Variants in SH3RF1 observed in about 807,000 individuals in gnomAD.
The protein encoded by SH3RF1 is SH3 domain containing ring finger 1.
In SH3RF1, 32 loss-of-function variants were observed where a neutral mutation model predicts 74.0. The observed-to-expected ratio is 0.43, with a 90% CI of 0.33 to 0.58. The LOEUF is 0.58. SH3RF1 is among the 20% of genes least tolerant of loss of function. The pLI is 0.05. For synonymous variants in SH3RF1, 396 were observed against 439.6 expected (o/e 0.90, Z 1.24); for missense variants, 954 against 1,130.9 (o/e 0.84, Z 2.24).
chr4:169,182,412 C>T (rs1372534566), intron 2 of SH3RF1, among the ~76,000 whole-genome samples: 1 of 152,070 alleles, frequency 6.6e-6, no homozygotes, highest in African/African-American at 2.4e-5. Flanking sequence ...TTAAGAATGC[C>T]AATATATTTT....
At chr4:169,270,292 C>T (rs900535643) in intron 1 of SH3RF1, among the ~76,000 whole-genome samples, 10 of 152,102 alleles carry the variant, frequency 6.6e-5, no homozygotes, top group Non-Finnish European at 1.5e-4. Flanking sequence ...GCGCGGCGGC[C>T]GCTCGCCGCA....
intron 2 of SH3RF1, among the ~76,000 whole-genome samples, chr4:169,179,618 C>T (rs1003294003): frequency 6.6e-6 from 1 of 152,174 alleles, no homozygotes; most frequent in Non-Finnish European, 1.5e-5. Flanking sequence ...AGGTTATATA[C>T]GGATAACTTC....
At chr4:169,144,220 T>C (rs1733834085) in intron 4 of SH3RF1, among the ~76,000 whole-genome samples, 1 of 152,250 alleles carries the variant, frequency 6.6e-6, no homozygotes, top group Non-Finnish European at 1.5e-5. Context: ...CAGCTTGCCA[T>C]TAACTTGCTT....
chr4:169,224,467 G>A (rs570569651), intron 2 of SH3RF1, among the ~76,000 whole-genome samples: 13 of 152,170 alleles, frequency 8.5e-5, no homozygotes, highest in East Asian at 3.9e-4. Context: ...ACAGGCTCGC[G>A]CCACCATGCC....
chr4:169,180,859 C>G (rs1367364107), intron 2 of SH3RF1, among the ~76,000 whole-genome samples: 1 of 152,100 alleles, frequency 6.6e-6, no homozygotes, highest in Non-Finnish European at 1.5e-5. Flanking sequence ...CTAACATAAA[C>G]AAATAAGAAA....
intron 2 of SH3RF1, among the ~76,000 whole-genome samples, chr4:169,164,668 C>T (rs1020665475): frequency 6.6e-6 from 1 of 152,228 alleles, no homozygotes; most frequent in Non-Finnish European, 1.5e-5. Context: ...GTATCAACTT[C>T]ACTGTGTTCT....
chr4:169,208,513 A>T (rs983183323), intron 2 of SH3RF1, among the ~76,000 whole-genome samples: 3 of 152,218 alleles, frequency 2.0e-5, no homozygotes, highest in Non-Finnish European at 2.9e-5. Context: ...TATGTGTATG[A>T]TATAATAATA....
rs1280476529 is a variant in SH3RF1, at chr4:169,146,028, CATATTCTAT to C, written c.766-9417_766-9409del. On this transcript the variant is annotated intron_variant, in intron 4 of 11. Transcript: ENST00000284637. Reference sequence around the variant, plus strand: ...TCTATATATTCTATATAAAATATTACATATTCTATATATTCTATATAAAATATTATATAT... The same window carrying C: ...TCTATATATTCTATATAAAATATTACATATTCTATATAAAATATTATATAT... 4.7e-5 allele frequency among the ~76,000 whole-genome samples: 4 copies of C among 85,976 alleles called. 1 individual carries two copies. Among genetic ancestry groups the C allele is most frequent in the Non-Finnish European group, 7.2e-5 (3 of 41,622 alleles). The allele number at this position is 85,976 out of a possible 152,430, so 56.4% of individuals were successfully genotyped here.
intron 2 of SH3RF1, among the ~76,000 whole-genome samples, chr4:169,217,066 G>A (rs1219502839): frequency 6.6e-6 from 1 of 151,304 alleles, no homozygotes; most frequent in Non-Finnish European, 1.5e-5. Flanking sequence ...GGGGAGCTGA[G>A]GTGAGAAGAT....
chr4:169,145,467 C>A (rs1733859514), intron 4 of SH3RF1, among the ~76,000 whole-genome samples: 1 of 145,660 alleles, frequency 6.9e-6, no homozygotes, highest in South Asian at 2.2e-4. Flanking sequence ...ACGATGTTCA[C>A]CATGTGAGTG....
intron 2 of SH3RF1, among the ~76,000 whole-genome samples, chr4:169,243,452 G>A (rs1205753446): frequency 6.6e-6 from 1 of 152,228 alleles, no homozygotes; most frequent in African/African-American, 2.4e-5. Context: ...GGCAGAGGTT[G>A]CAGTGAGCCA....
intron 2 of SH3RF1, among the ~76,000 whole-genome samples, chr4:169,250,212 T>G (rs1731078118): frequency 6.6e-6 from 1 of 152,122 alleles, no homozygotes; most frequent in Non-Finnish European, 1.5e-5. Flanking sequence ...GTATGAACAC[T>G]GAAGTACACC....
chr4:169,095,399 T>C lies in SH3RF1; in HGVS notation c.*1120A>G, dbSNP rs1055036032. 7 of 152,610 alleles carry C rather than the reference T, an allele frequency of 4.6e-5. No individual in the cohort carries two copies. The highest frequency in any genetic ancestry group is 1.7e-4 in the African/African-American group (7 of 41,440). 9.5% of individuals were successfully genotyped at this position (152,610 alleles called of 1,614,324 possible). A position where few individuals can be genotyped will look rare whatever the true frequency, so the allele number is the denominator to read the frequency against. On this transcript the variant is annotated 3_prime_UTR_variant, in exon 12 of 12. Coordinates refer to ENST00000284637, the MANE Select transcript of SH3RF1 (RefSeq NM_020870.4). ...TTGGTCAATTCTGAGTACAAACTCA[T>C]CTTAACAGGAAATCGCAATGAAATA...
chr4:169,165,679 C>T (rs377269024), intron 2 of SH3RF1, among the ~76,000 whole-genome samples: 1 of 152,130 alleles, frequency 6.6e-6, no homozygotes. Flanking sequence ...ATTCAATTGC[C>T]TATTTTTAGT....
At chr4:169,174,118 C>T (rs1203941409) in intron 2 of SH3RF1, among the ~76,000 whole-genome samples, 3 of 152,028 alleles carry the variant, frequency 2.0e-5, no homozygotes, top group Admixed American at 6.5e-5. Flanking sequence ...GGCTAGAGTG[C>T]AGTGGCGCAA....
intron 2 of SH3RF1, among the ~76,000 whole-genome samples, chr4:169,262,942 T>C (rs1007158556): frequency 2.6e-5 from 4 of 152,020 alleles, no homozygotes; most frequent in East Asian, 3.9e-4. Flanking sequence ...GGATCAAGGA[T>C]GGATAAAATA....
intron 2 of SH3RF1, among the ~76,000 whole-genome samples, chr4:169,194,164 A>G (rs1407224558): frequency 2.0e-5 from 3 of 152,142 alleles, no homozygotes; most frequent in Non-Finnish European, 4.4e-5. Context: ...AAATTTTTCT[A>G]GACAGTACTA....
intron 2 of SH3RF1, among the ~76,000 whole-genome samples, chr4:169,167,999 G>A (rs1237754784): frequency 6.6e-6 from 1 of 152,024 alleles, no homozygotes; most frequent in African/African-American, 2.4e-5. Flanking sequence ...AATTAGCTGG[G>A]CATGGTGGGA....
At chr4:169,179,341 C>T (rs547952329) in intron 2 of SH3RF1, among the ~76,000 whole-genome samples, 1 of 152,312 alleles carries the variant, frequency 6.6e-6, no homozygotes, top group African/African-American at 2.4e-5. Flanking sequence ...ATAGCCCTGC[C>T]TACACCTTGA....
Sources: allele counts gnomAD v4.1 joint callset (sites outside exome capture counted in the v4.1 genomes callset), GRCh38; gene constraint gnomAD v4.1.1; transcripts MANE v1.5; gene names NCBI Gene and HGNC (gene_info 2026-07-23, HGNC 2026-07-21).